BTBD9: variants seen among roughly 807,000 people sequenced by gnomAD.
BTBD9 encodes the protein BTB domain containing 9.
BTBD9 carries 49 observed loss-of-function variants against 64.3 expected under a neutral mutation model. The observed-to-expected ratio is 0.76, with a 90% CI of 0.61 to 0.97. The LOEUF (loss-of-function observed/expected upper bound fraction) is 0.97, where lower values mean the gene tolerates loss of function less well. BTBD9 is among the 50% of genes least tolerant of loss of function. The pLI is 0.00. For synonymous variants in BTBD9, 260 were observed against 274.7 expected (o/e 0.95, Z 0.53); for missense variants, 598 against 762.1 (o/e 0.78, Z 2.53).
chr6:38,374,283 G>GTATATATATATATACACATATATA (rs57568036), intron 6 of BTBD9, among the ~76,000 whole-genome samples: 3 of 45,474 alleles, frequency 6.6e-5, no homozygotes, highest in African/African-American at 4.8e-4. Flanking sequence ...AAAAAAAAAA[G>GTATATATATATATACACATATATA]TATATATATA....
intron 10 of BTBD9, among the ~76,000 whole-genome samples, chr6:38,182,447 T>C (rs1029438611): frequency 6.6e-6 from 1 of 152,132 alleles, no homozygotes; most frequent in African/African-American, 2.4e-5. Context: ...AAGGGAAGTG[T>C]TCTTGTTCGC....
At chr6:38,190,790 A>T (rs1762040204) in intron 10 of BTBD9, among the ~76,000 whole-genome samples, 1 of 152,162 alleles carries the variant, frequency 6.6e-6, no homozygotes, top group South Asian at 2.1e-4. Context: ...AAAGTCCAAG[A>T]TTCTCTTCTT....
At chr6:38,524,363 T>G (rs995188475) in intron 6 of BTBD9, among the ~76,000 whole-genome samples, 2 of 152,140 alleles carry the variant, frequency 1.3e-5, no homozygotes, top group Non-Finnish European at 2.9e-5. Context: ...AAAATTTTTC[T>G]TCTCCTTAGA....
intron 6 of BTBD9, among the ~76,000 whole-genome samples, chr6:38,559,907 C>T (rs1775198566): frequency 6.6e-6 from 1 of 152,132 alleles, no homozygotes; most frequent in African/African-American, 2.4e-5. Context: ...CTCTCCCCTT[C>T]ATTATACACA....
At chr6:38,619,374 C>T (rs780173582) in intron 1 of BTBD9, among the ~76,000 whole-genome samples, 1 of 152,278 alleles carries the variant, frequency 6.6e-6, no homozygotes, top group Non-Finnish European at 1.5e-5. Flanking sequence ...CTCAGACAAA[C>T]AAGCCTTGGT....
At chr6:38,556,936 C>T (rs1341067409) in intron 6 of BTBD9, among the ~76,000 whole-genome samples, 2 of 136,030 alleles carry the variant, frequency 1.5e-5, no homozygotes, top group African/African-American at 5.6e-5. Flanking sequence ...TCGCTAGAAC[C>T]TGGGAGGTGG....
chr6:38,568,104 C>G (rs1775603527), intron 6 of BTBD9, among the ~76,000 whole-genome samples: 1 of 152,114 alleles, frequency 6.6e-6, no homozygotes, highest in Admixed American at 6.6e-5. Flanking sequence ...GAGATTCAAG[C>G]TATAAATACT....
chr6:38,476,877 T>A (rs1445848922), intron 6 of BTBD9, among the ~76,000 whole-genome samples: 4 of 152,260 alleles, frequency 2.6e-5, no homozygotes, highest in Non-Finnish European at 5.9e-5. Flanking sequence ...CAAATAATCA[T>A]AGGAAAATGT....
chr6:38,635,444 G>C (rs1778497821), intron 1 of BTBD9, among the ~76,000 whole-genome samples: 1 of 152,092 alleles, frequency 6.6e-6, no homozygotes. Context: ...CCACCTCCAG[G>C]TCTACCCAAT....
chr6:38,278,258 C>T (rs998934993), intron 8 of BTBD9, among the ~76,000 whole-genome samples: 7 of 152,154 alleles, frequency 4.6e-5, no homozygotes, highest in African/African-American at 1.7e-4. Flanking sequence ...GGCAGCCATG[C>T]CCCTGTGGAC....
At chr6:38,521,069 G>A (rs1773251269) in intron 6 of BTBD9, among the ~76,000 whole-genome samples, 1 of 151,770 alleles carries the variant, frequency 6.6e-6, no homozygotes, top group South Asian at 2.1e-4. Flanking sequence ...CAGGGACACA[G>A]GAGCCCAACA....
intron 9 of BTBD9, among the ~76,000 whole-genome samples, chr6:38,213,271 T>G (rs1326532241): frequency 6.6e-6 from 1 of 151,996 alleles, no homozygotes; most frequent in Non-Finnish European, 1.5e-5. Flanking sequence ...AGATATTCAG[T>G]AAAAACTTTA....
At chr6:38,489,590 T>C (rs2127389563) in intron 6 of BTBD9, among the ~76,000 whole-genome samples, 1 of 152,370 alleles carries the variant, frequency 6.6e-6, no homozygotes, top group East Asian at 1.9e-4. Flanking sequence ...TGTGTATGTA[T>C]AATAATTTCT....
At chr6:38,222,520 A>G (rs563083454) in intron 9 of BTBD9, among the ~76,000 whole-genome samples, 75 of 152,094 alleles carry the variant, frequency 4.9e-4, no homozygotes, top group Admixed American at 4.4e-3. Context: ...TGGCCTCCCA[A>G]AGTGCTAGGA....
chr6:38,240,689 TA>T (rs1247835302), intron 9 of BTBD9, among the ~76,000 whole-genome samples: 3 of 152,200 alleles, frequency 2.0e-5, no homozygotes, highest in African/African-American at 7.2e-5. Flanking sequence ...AACACCATAT[TA>T]AAGCAATGTG....
intron 7 of BTBD9, among the ~76,000 whole-genome samples, chr6:38,288,692 G>A (rs906571607): frequency 2.0e-5 from 3 of 152,200 alleles, no homozygotes; most frequent in Non-Finnish European, 4.4e-5. Flanking sequence ...AGCACTTTGG[G>A]AGGCTGAGGT....
At chr6:38,268,074 A>G (rs182605692) in intron 8 of BTBD9, among the ~76,000 whole-genome samples, 2 of 152,318 alleles carry the variant, frequency 1.3e-5, no homozygotes, top group African/African-American at 2.4e-5. Flanking sequence ...TTCCTGTACA[A>G]TATCTTCAGT....
intron 6 of BTBD9, among the ~76,000 whole-genome samples, chr6:38,471,072 G>A (rs1770627964): frequency 6.6e-6 from 1 of 152,158 alleles, no homozygotes; most frequent in South Asian, 2.1e-4. Flanking sequence ...ATAGAGGATG[G>A]TAAACTTACC....
intron 6 of BTBD9, among the ~76,000 whole-genome samples, chr6:38,540,465 C>T (rs1304096012): frequency 2.0e-5 from 3 of 152,176 alleles, no homozygotes; most frequent in Non-Finnish European, 2.9e-5. Flanking sequence ...CAGCATATTA[C>T]ACACTTGCAA....
Sources: gnomAD v4.1 joint callset for allele counts (sites outside exome capture counted in the v4.1 genomes callset) on GRCh38, gnomAD v4.1.1 for gene constraint, MANE v1.5 for transcripts, NCBI Gene and HGNC (gene_info 2026-07-23, HGNC 2026-07-21) for gene names.